Variants in NAV3 observed in about 807,000 individuals in gnomAD.
NAV3 encodes neuron navigator 3.
Under a neutral mutation model 244.7 loss-of-function variants are expected in NAV3, and 87 were observed. That is an observed-to-expected ratio of 0.36 (90% CI 0.30 to 0.42). NAV3 has a LOEUF of 0.42. Among genes scored for constraint, NAV3 ranks in the 20% least tolerant of loss-of-function variants. The pLI, the probability that NAV3 is intolerant of heterozygous loss-of-function variation, is 1.00. For missense variants in NAV3, 2,663 were observed against 2,893.3 expected, an observed-to-expected ratio of 0.92 and a Z score of 1.83; for synonymous variants, 1,126 against 1,042.2, an observed-to-expected ratio of 1.08 and a Z score of -1.55.
chr12:77,628,563 T>C (rs1440492155), intron 2 of NAV3, among the ~76,000 whole-genome samples: 6 of 152,126 alleles, frequency 3.9e-5, no homozygotes, highest in African/African-American at 1.4e-4. Flanking sequence ...TTTTCTTTTC[T>C]TTCCTATTTG....
intron 2 of NAV3, among the ~76,000 whole-genome samples, chr12:77,789,636 C>G (rs1871082890): frequency 6.6e-6 from 1 of 151,446 alleles, no homozygotes; most frequent in Non-Finnish European, 1.5e-5. Context: ...ATGATGAAGC[C>G]CCGTCTCTAC....
chr12:78,095,064 T>TATATACAC (rs1272776469), intron 12 of NAV3, among the ~76,000 whole-genome samples: 20 of 137,582 alleles, frequency 1.5e-4, no homozygotes, highest in African/African-American at 4.9e-4. Flanking sequence ...TATATATATA[T>TATATACAC]ACACACACAC....
At chr12:78,143,062 A>G (rs769238473) in intron 20 of NAV3, among the ~76,000 whole-genome samples, 4 of 152,152 alleles carry the variant, frequency 2.6e-5, no homozygotes, top group Non-Finnish European at 5.9e-5. Context: ...AAACTATCAC[A>G]TGAAAAAGCA....
At chr12:78,163,995 T>G (rs1310803140) in intron 23 of NAV3, among the ~76,000 whole-genome samples, 1 of 152,092 alleles carries the variant, frequency 6.6e-6, no homozygotes, top group Non-Finnish European at 1.5e-5. Flanking sequence ...AAATTGCTAC[T>G]CAAATCATTG....
At chr12:77,589,579 A>G (rs1207922818) in intron 2 of NAV3, among the ~76,000 whole-genome samples, 1 of 152,178 alleles carries the variant, frequency 6.6e-6, no homozygotes, top group Non-Finnish European at 1.5e-5. Context: ...AAGAATGAGA[A>G]TGAGTGAAGG....
At chr12:77,659,054 G>A (rs1344980780) in intron 2 of NAV3, among the ~76,000 whole-genome samples, 28 of 151,784 alleles carry the variant, frequency 1.8e-4, no homozygotes, top group African/African-American at 6.1e-4. Flanking sequence ...CATGGGCAAG[G>A]ACTTCATGTC....
intron 2 of NAV3, among the ~76,000 whole-genome samples, chr12:77,778,208 C>T (rs1454437736): frequency 1.4e-5 from 2 of 144,150 alleles, no homozygotes; most frequent in Non-Finnish European, 3.1e-5. Flanking sequence ...CTCCTCTCCC[C>T]TCTCCTTTCC....
At chr12:77,875,298 G>T (rs946142063) in intron 1 of NAV3, among the ~76,000 whole-genome samples, 8 of 151,900 alleles carry the variant, frequency 5.3e-5, no homozygotes, top group African/African-American at 1.7e-4. Flanking sequence ...ATCCACAAGG[G>T]TCATCCCTGT....
chr12:77,632,571 C>T (rs1309853070), intron 2 of NAV3, among the ~76,000 whole-genome samples: 1 of 152,132 alleles, frequency 6.6e-6, no homozygotes, highest in Non-Finnish European at 1.5e-5. Flanking sequence ...CATTCGGTCC[C>T]TCCCACGACA....
chr12:77,953,091 C>T (rs577324278), intron 3 of NAV3, among the ~76,000 whole-genome samples: 1 of 152,196 alleles, frequency 6.6e-6, no homozygotes, highest in South Asian at 2.1e-4. Context: ...ATTTATAACA[C>T]TTTTGCCAAT....
chr12:77,681,642 T>G (rs1874473773), intron 2 of NAV3, among the ~76,000 whole-genome samples: 1 of 146,696 alleles, frequency 6.8e-6, no homozygotes, highest in African/African-American at 2.7e-5. Context: ...CACAAGGTGT[T>G]CTGTGATGGC....
intron 2 of NAV3, among the ~76,000 whole-genome samples, chr12:77,804,262 T>C (rs1270184133): frequency 6.6e-6 from 1 of 152,212 alleles, no homozygotes; most frequent in African/African-American, 2.4e-5. Context: ...GGTTTTCTTC[T>C]AGGGTTTTTA....
At position 78,211,456 on chromosome 12, in the gene NAV3, T is replaced by G. The variant is rs1960875463; in HGVS notation, c.*939T>G. ...CACCAGTTAACATAGTAGCCTCATC[T>G]CTATATATCTTTCTCTTTTTTTTTT... On this transcript the variant is annotated 3_prime_UTR_variant, in exon 40 of 40. Coordinates refer to ENST00000397909, the MANE Select transcript of NAV3 (RefSeq NM_001024383.2). The G allele has an allele frequency of 6.8e-6, 1 of 147,662 alleles. No homozygotes were observed. The highest frequency in any genetic ancestry group is 2.2e-4 in the South Asian group (1 of 4,524). 9.1% of individuals were successfully genotyped at this position (147,662 alleles called of 1,614,324 possible).
chr12:78,177,710 T>A, intron 28 of NAV3, 25 bp downstream of exon 28: 1 of 1,591,954 alleles, frequency 6.3e-7, no homozygotes, highest in East Asian at 2.2e-5. Flanking sequence ...GATGCATGAA[T>A]ACTGCAAAGA....
chr12:77,831,510 T>C lies in NAV3; in HGVS notation c.49T>C (p.Ser17Pro), dbSNP rs2136075112. The change falls in exon 1 of 40, where the codon TCA becomes CCA. Residue 17 changes from serine to proline, a missense_variant. This residue lies in a region of NAV3 where 1,521 missense variants were observed against 1,497.0 expected (regional missense o/e 1.02). Transcript: ENST00000397909. The part of the protein sequence containing the change: ...ASKLRQPAVG[S>P]KPVHTALPIP... ...AAAACTGAGGCAGCCAGCTGTTGGGTCAAAGCCTGTGCATACTGCTCTTCC... is the reference window on the plus strand; with the variant it reads ...AAAACTGAGGCAGCCAGCTGTTGGGCCAAAGCCTGTGCATACTGCTCTTCC... 1 of 1,613,822 alleles carries C rather than the reference T, an allele frequency of 6.2e-7. No individual in the cohort carries two copies. Among genetic ancestry groups the C allele is most frequent in the Non-Finnish European group, 8.5e-7 (1 of 1,179,932 alleles).
intron 1 of NAV3, among the ~76,000 whole-genome samples, chr12:77,923,081 G>C (rs1216722764): frequency 6.6e-6 from 1 of 151,630 alleles, no homozygotes. Flanking sequence ...ACCATAATTT[G>C]ATAATAACAA....
chr12:78,189,379 G>A (rs1006808693), intron 33 of NAV3, among the ~76,000 whole-genome samples: 2 of 151,696 alleles, frequency 1.3e-5, no homozygotes, highest in African/African-American at 4.8e-5. Context: ...TTGATTTTAT[G>A]ATGAAGGTAA....
chr12:78,020,237 G>A (rs1449108158), intron 8 of NAV3, among the ~76,000 whole-genome samples: 1 of 152,078 alleles, frequency 6.6e-6, no homozygotes, highest in Non-Finnish European at 1.5e-5. Flanking sequence ...GAGAATTTTT[G>A]CCATAAAAGC....
intron 2 of NAV3, among the ~76,000 whole-genome samples, chr12:77,587,408 A>G (rs60876629): frequency 7.1e-4 from 108 of 152,318 alleles, no homozygotes; most frequent in African/African-American, 2.4e-3. Flanking sequence ...ATATCCATTT[A>G]TATGATAGTG....
Sources: allele counts gnomAD v4.1 joint callset (sites outside exome capture counted in the v4.1 genomes callset), GRCh38; gene constraint gnomAD v4.1.1; regional missense constraint gnomAD v4.1.1; transcripts MANE v1.5; gene names NCBI Gene and HGNC (gene_info 2026-07-23, HGNC 2026-07-21).